The following PRKCE variants were observed in gnomAD, a reference collection of about 807,000 sequenced individuals.
The protein encoded by PRKCE is protein kinase C epsilon, also known as protein kinase C epsilon type.
In PRKCE, 16 loss-of-function variants were observed where a neutral mutation model predicts 85.4. The observed-to-expected ratio is 0.19, with a 90% CI of 0.13 to 0.28. The LOEUF is 0.28. PRKCE is among the 10% of genes least tolerant of loss of function. The pLI is 1.00. For synonymous variants in PRKCE, 388 were observed against 371.5 expected (o/e 1.04, Z -0.51); for missense variants, 573 against 975.2 (o/e 0.59, Z 5.49).
chr2:46,063,606 G>T (rs67285456), intron 10 of PRKCE, among the ~76,000 whole-genome samples: 26,335 of 152,114 alleles, frequency 0.17, 2,835 homozygotes, highest in Non-Finnish European at 0.24. Context: ...GAAGCAGCTC[G>T]AGTTTGTTTG....
At chr2:45,692,844 A>T (rs970017455) in intron 1 of PRKCE, among the ~76,000 whole-genome samples, 1 of 152,204 alleles carries the variant, frequency 6.6e-6, no homozygotes, top group African/African-American at 2.4e-5. Flanking sequence ...TTGCCCTGGC[A>T]TGTGGGCTCG....
chr2:45,687,498 G>A (rs914240649), intron 1 of PRKCE, among the ~76,000 whole-genome samples: 5 of 152,092 alleles, frequency 3.3e-5, no homozygotes, highest in Non-Finnish European at 5.9e-5. Flanking sequence ...TTCTACAGTG[G>A]GTGTTTTGAT....
At chr2:46,162,118 G>A (rs567790466) in intron 14 of PRKCE, among the ~76,000 whole-genome samples, 2 of 152,298 alleles carry the variant, frequency 1.3e-5, no homozygotes, top group South Asian at 4.1e-4. Context: ...CTGGCCAGAA[G>A]TGAAGGTGTT....
chr2:46,167,671 G>A (rs1678472649), intron 14 of PRKCE: 1 of 152,160 alleles, frequency 6.6e-6, no homozygotes, highest in African/African-American at 2.4e-5. Context: ...CTCACCCCAG[G>A]TGCCAGCATT....
Position 45,958,811 on chromosome 2 carries a change from TATATA to T in PRKCE, c.413-17617_413-17613del, listed in dbSNP as rs1254996206. Among the ~76,000 whole-genome samples the T allele has an allele frequency of 3.9e-4, 11 of 28,238 alleles. No individual in the cohort carries two copies. In the East Asian group the frequency reaches 4.6e-3, roughly 12 times the overall value. The allele number at this position is 28,238 out of a possible 152,430, so 18.5% of individuals were successfully genotyped here. ...TAAAACATATATATATATATATATA[TATATA>T]TTTTTTTTTTTTTTTTTTTTTTTTT... On this transcript the variant is annotated intron_variant, in intron 2 of 14. Transcript: ENST00000306156.
At chr2:45,804,945 C>CTTTT (rs5830871) in intron 1 of PRKCE, among the ~76,000 whole-genome samples, 1 of 133,520 alleles carries the variant, frequency 7.5e-6, no homozygotes, top group Non-Finnish European at 1.6e-5. Context: ...AACTCATCAA[C>CTTTT]TTTTTTTTTT....
chr2:45,685,048 G>C (rs2103983421), intron 1 of PRKCE, among the ~76,000 whole-genome samples: 1 of 152,248 alleles, frequency 6.6e-6, no homozygotes, highest in East Asian at 1.9e-4. Context: ...TCTGAAAATT[G>C]GCCAAAAGAT....
Position 46,139,925 on chromosome 2 carries a change from A to G in PRKCE, c.1593-5168A>G, listed in dbSNP as rs1032633580. Among the ~76,000 whole-genome samples the G allele has an allele frequency of 1.3e-5, 2 of 152,106 alleles. No homozygotes were observed. Among genetic ancestry groups the G allele is most frequent in the African/African-American group, 2.4e-5 (1 of 41,422 alleles). The stretch of plus-strand genomic sequence containing the variant: ...GCCTGGCTTAAAAAATAGAAAGTAA[A>G]TGTTCTCTTACAAAGGAAGAAAGTG... On this transcript the variant is annotated intron_variant, in intron 11 of 14. Transcript: ENST00000306156. The surrounding 1 kb of genome is among the most constrained non-coding windows in gnomAD (Gnocchi z 5.2).
At chr2:45,681,938 C>T (rs1306930466) in intron 1 of PRKCE, among the ~76,000 whole-genome samples, 2 of 152,180 alleles carry the variant, frequency 1.3e-5, no homozygotes, top group Non-Finnish European at 2.9e-5. Context: ...TGTTTCTCCT[C>T]CCCAGCCACA....
chr2:45,893,698 C>G (rs997831380), intron 2 of PRKCE, among the ~76,000 whole-genome samples: 8 of 152,138 alleles, frequency 5.3e-5, no homozygotes, highest in Non-Finnish European at 8.8e-5. Flanking sequence ...TCCCCCAGTG[C>G]CCCGCTCTTC....
intron 2 of PRKCE, among the ~76,000 whole-genome samples, chr2:45,950,013 A>T (rs1700519124): frequency 6.6e-6 from 1 of 152,038 alleles, no homozygotes; most frequent in Non-Finnish European, 1.5e-5. Flanking sequence ...GAAACCTAGT[A>T]GGATTTAAGT....
At chr2:46,082,368 G>A (rs567744500) in intron 10 of PRKCE, among the ~76,000 whole-genome samples, 1 of 152,320 alleles carries the variant, frequency 6.6e-6, no homozygotes, top group South Asian at 2.1e-4. Flanking sequence ...AGGACTTGGT[G>A]AGGGCTGAGG....
chr2:45,856,146 G>A (rs1692655738), intron 2 of PRKCE, among the ~76,000 whole-genome samples: 1 of 151,934 alleles, frequency 6.6e-6, no homozygotes, highest in South Asian at 2.1e-4. Context: ...ATATTTCTGG[G>A]GTTTCAATGC....
intron 13 of PRKCE, among the ~76,000 whole-genome samples, chr2:46,153,855 C>G (rs369489641): frequency 5.9e-5 from 8 of 136,522 alleles, no homozygotes; most frequent in Admixed American, 2.5e-4. Context: ...GGCACGATCT[C>G]TGCTCACTGC....
chr2:45,793,060 A>G (rs1198790612), intron 1 of PRKCE, among the ~76,000 whole-genome samples: 4 of 152,340 alleles, frequency 2.6e-5, no homozygotes, highest in Middle Eastern at 3.4e-3. Context: ...TGGCCTCCCA[A>G]AGAGCTGGGA....
chr2:45,828,452 T>G (rs1185345977), intron 1 of PRKCE, among the ~76,000 whole-genome samples: 1 of 152,206 alleles, frequency 6.6e-6, no homozygotes, highest in African/African-American at 2.4e-5. Context: ...CTTAATATGT[T>G]CAAACTGTAT....
At position 45,652,081 on chromosome 2, in the gene PRKCE, C is replaced by T; in HGVS notation, c.-20C>T. On this transcript the variant is annotated 5_prime_UTR_variant, in exon 1 of 15. Coordinates refer to ENST00000306156, the MANE Select transcript of PRKCE (RefSeq NM_005400.3). The surrounding 1 kb of genome is among the most constrained non-coding windows in gnomAD (Gnocchi z 7.7). The stretch of plus-strand genomic sequence containing the variant: ...TCGGGGCAGACGGAGTGACCCCGGC[C>T]CCCACTCCCCGCCCCGACCATGGTA... The T allele has an allele frequency of 2.1e-6, 3 of 1,442,206 alleles. No individual in the cohort carries two copies. Among genetic ancestry groups the T allele is most frequent in the Non-Finnish European group, 2.8e-6 (3 of 1,058,202 alleles). The allele number at this position is 1,442,206 out of a possible 1,614,324, so 89.3% of individuals were successfully genotyped here.
Position 46,034,161 on chromosome 2 carries a change from G to A in PRKCE, c.1437+23644G>A, listed in dbSNP as rs142522768. The stretch of plus-strand genomic sequence containing the variant: ...GGGGCATCCCAAGAGCCAAGACTGC[G>A]GTCTGTGAGAGTCCAAACCTGAGTA... On this transcript the variant is annotated intron_variant, in intron 10 of 14. Transcript: ENST00000306156. 4.9e-4 allele frequency among the ~76,000 whole-genome samples: 75 copies of A among 152,274 alleles called. 2 individuals carry two copies. Among genetic ancestry groups the A allele is most frequent in the African/African-American group, 9.6e-4 (40 of 41,564 alleles).
chr2:46,063,809 A>G (rs1335379580), intron 10 of PRKCE, among the ~76,000 whole-genome samples: 1 of 152,178 alleles, frequency 6.6e-6, no homozygotes, highest in Non-Finnish European at 1.5e-5. Flanking sequence ...TTGGAGTAGC[A>G]TTTTCCTATC....
Sources: allele counts gnomAD v4.1 joint callset (sites outside exome capture counted in the v4.1 genomes callset), GRCh38; gene constraint gnomAD v4.1.1; non-coding constraint Gnocchi (gnomAD v3.1); transcripts MANE v1.5; gene names NCBI Gene and HGNC (gene_info 2026-07-23, HGNC 2026-07-21).